The following GFI1 variants were observed in gnomAD, a reference collection of about 807,000 sequenced individuals.
The protein encoded by GFI1 is growth factor independent 1 transcriptional repressor, also known as zinc finger protein Gfi-1.
Under a neutral mutation model 39.2 loss-of-function variants are expected in GFI1, and 15 were observed. The observed-to-expected ratio is 0.38, with a 90% confidence interval of 0.26 to 0.59. GFI1 has a LOEUF of 0.59. GFI1 is among the 20% of genes least tolerant of loss of function. The probability of loss-of-function intolerance (pLI) is 0.62; values close to 1 mark genes in which losing one functional copy is unlikely to be tolerated. For missense variants in GFI1, 475 were observed against 574.0 expected, an observed-to-expected ratio of 0.83 and a Z score of 1.76; for synonymous variants, 239 against 254.3, an observed-to-expected ratio of 0.94 and a Z score of 0.57.
chr1:92,480,527 C>CGCGGGGCGCAG lies in GFI1; in HGVS notation c.787-53_787-43dup, dbSNP rs1025556601. On this transcript the variant is annotated intron_variant, in intron 4 of 6. Coordinates refer to ENST00000294702, the MANE Select transcript of GFI1 (RefSeq NM_005263.5). The surrounding 1 kb of genome is among the most constrained non-coding windows in gnomAD (Gnocchi z 5.6). ...CAGAGAGAAGGCCGCTGAGAGGGGCCGCGGGGCGCAGGCGAGGCGCGGGTA... is the reference window on the plus strand; with the variant it reads ...CAGAGAGAAGGCCGCTGAGAGGGGCCGCGGGGCGCAGGCGGGGCGCAGGCGAGGCGCGGGTA... The CGCGGGGCGCAG allele has an allele frequency of 1.9e-6, 3 of 1,547,282 alleles. No homozygotes were observed. In the African/African-American group the frequency reaches 4.1e-5, roughly 21 times the overall value.
Position 92,481,106 on chromosome 1 carries a change from G to T in GFI1, c.299-18C>A. 1 of 1,603,988 alleles carries T rather than the reference G, an allele frequency of 6.2e-7. No individual in the cohort carries two copies. The highest frequency in any genetic ancestry group is 1.3e-5 in the African/African-American group (1 of 74,804). ...CTCCGAGGCTGTGGAGGCACAAGGG[G>T]AGCGTCCGGTCAGGCTTCAGACGGC... On this transcript the variant is annotated intron_variant, in intron 3 of 6. Transcript: ENST00000294702. The surrounding 1 kb of genome is among the most constrained non-coding windows in gnomAD (Gnocchi z 4.3).
chr1:92,478,923 T>C (rs945771628), intron 5 of GFI1, among the ~76,000 whole-genome samples, 170 bp from the exon 6 acceptor site: 1 of 152,198 alleles, frequency 6.6e-6, no homozygotes, highest in Non-Finnish European at 1.5e-5. Context: ...TTGAGTGCAG[T>C]GGAACGATCT....
Position 92,475,929 on chromosome 1 carries a change from T to C in GFI1, c.*100A>G, listed in dbSNP as rs1657940070. 1.7e-6 allele frequency: 2 copies of C among 1,146,638 alleles called. No homozygotes were observed. The allele number at this position is 1,146,638 out of a possible 1,614,324, so 71.0% of individuals were successfully genotyped here. A position where few individuals can be genotyped will look rare whatever the true frequency, so the allele number is the denominator to read the frequency against. ...CAGACTGGACCTGGGGTCTGGAAAG[T>C]CAGAAGGGAGTGGAGGCAAGCAGGG... On this transcript the variant is annotated 3_prime_UTR_variant, in exon 7 of 7. Transcript: ENST00000294702.
Position 92,482,819 on chromosome 1 carries a change from G to A in GFI1, c.298+45C>T, listed in dbSNP as rs772457244. ...GCGCCAATTCCCCCCCAGCACTGCC[G>A]GGTCCCTGCAGCTCCCGCCCAAGAG... On this transcript the variant is annotated intron_variant, in intron 3 of 6. Transcript: ENST00000294702. This position sits in a 1 kb window ranked among gnomAD's most constrained non-coding sequence, Gnocchi z 4.4. 2.7e-6 allele frequency: 4 copies of A among 1,503,710 alleles called. No homozygotes were observed. The highest frequency in any genetic ancestry group is 4.5e-5 in the East Asian group (2 of 44,350). The allele number at this position is 1,503,710 out of a possible 1,614,324, so 93.1% of individuals were successfully genotyped here.
intron 1 of GFI1, among the ~76,000 whole-genome samples, chr1:92,485,098 A>G (rs1001726064): frequency 1.3e-5 from 2 of 152,090 alleles, no homozygotes; most frequent in Non-Finnish European, 2.9e-5. Flanking sequence ...CCTTCTCCGG[A>G]GGAATGGGAA....
rs1658175248 is a variant in GFI1 at position 92,480,474 on chromosome 1, C to G, written c.798G>C (p.Thr266=). 6.5e-7 allele frequency: 1 copy of G among 1,549,938 alleles called. No homozygotes were observed. The highest frequency in any genetic ancestry group is 8.7e-7 in the Non-Finnish European group (1 of 1,146,580). ...GCACGTGCACCTCGAGCCCGTGCGGCGTGGAGAACACCTAAGGCGGGTGGG... is the reference window on the plus strand; with the variant it reads ...GCACGTGCACCTCGAGCCCGTGCGGGGTGGAGAACACCTAAGGCGGGTGGG... The part of the protein sequence containing the change: ...KCIKCSKVFS[T]PHGLEVHVRR... The change falls in exon 5 of 7, where the codon ACG becomes ACC. Residue 266 remains threonine (T), a synonymous_variant. Transcript: ENST00000294702. This position sits in a 1 kb window ranked among gnomAD's most constrained non-coding sequence, Gnocchi z 5.6.
rs1277930474 is a variant in GFI1, at chr1:92,480,786, C to T, written c.601G>A (p.Gly201Ser). The change falls in exon 4 of 7, where the codon GGC becomes AGC. Residue 201 changes from glycine (G) to serine (S), a missense_variant. By Grantham distance (56) the Gly-to-Ser change is moderately conservative. Transcript: ENST00000294702. This position sits in a 1 kb window ranked among gnomAD's most constrained non-coding sequence, Gnocchi z 5.6. The part of the protein sequence containing the change: ...ATAGPGLGLY[G>S]DFGSAAAGLY... ...CCGGCTGCCGCAGACCCGAAGTCGC[C>T]GTAGAGCCCTAGGCCAGGGCCAGCG... 6.3e-7 allele frequency: 1 copy of T among 1,598,786 alleles called. No individual in the cohort carries two copies. The highest frequency in any genetic ancestry group is 8.5e-7 in the Non-Finnish European group (1 of 1,176,560).
In GFI1 at chr1:92,473,581, T is replaced by C. The variant is rs941647070; in HGVS notation, c.*2448A>G. 6.6e-6 allele frequency among the ~76,000 whole-genome samples: 1 copy of C among 152,102 alleles called. No homozygotes were observed. The highest frequency in any genetic ancestry group is 1.5e-5 in the Non-Finnish European group (1 of 68,028). On this transcript the variant is annotated 3_prime_UTR_variant, in exon 7 of 7. Coordinates refer to ENST00000294702, the MANE Select transcript of GFI1 (RefSeq NM_005263.5). Reference sequence around the variant, plus strand: ...GAGAGTAAACTGACATGGAAAGACATGGTGCTGGAAATCAGGTGAGGACAG... The same window carrying C: ...GAGAGTAAACTGACATGGAAAGACACGGTGCTGGAAATCAGGTGAGGACAG...
chr1:92,480,889 C>A lies in GFI1; in HGVS notation c.498G>T (p.Ala166=), dbSNP rs772031788. Reference sequence around the variant, plus strand: ...CGGCAGCCCGCTTCGGGCCGTACAGCGCGGCCGGGTGGCCAGGCTCCGGGG... The same window carrying A: ...CGGCAGCCCGCTTCGGGCCGTACAGAGCGGCCGGGTGGCCAGGCTCCGGGG... ...EPAPEPGHPA[A]LYGPKRAAGG... Residue 166 remains alanine (A), a synonymous_variant, in exon 4 of 7, where the codon GCG becomes GCT. Transcript: ENST00000294702. The surrounding 1 kb of genome is among the most constrained non-coding windows in gnomAD (Gnocchi z 5.6). 1 of 1,537,876 alleles carries A rather than the reference C, an allele frequency of 6.5e-7. No individual in the cohort carries two copies. The highest frequency in any genetic ancestry group is 1.2e-5 in the South Asian group (1 of 82,632).
chr1:92,483,140 GCGTCTTCC>G, intron 2 of GFI1, 94 bp from the exon 3 acceptor site: 1 of 1,205,048 alleles, frequency 8.3e-7, no homozygotes, highest in South Asian at 1.5e-5. Flanking sequence ...GGGCAGCCGA[GCGTCTTCC>G]CCTCTCCACC....
At position 92,475,956 on chromosome 1, in the gene GFI1, G is replaced by T; in HGVS notation, c.*73C>A. 1 of 1,386,884 alleles carries T rather than the reference G, an allele frequency of 7.2e-7. No individual in the cohort carries two copies. The allele number at this position is 1,386,884 out of a possible 1,614,324, so 85.9% of individuals were successfully genotyped here. ...AGAAGGGAGTGGAGGCAAGCAGGGAGCAGAGTGGTGGCAAGCAGGGAGGCT... is the reference window on the plus strand; with the variant it reads ...AGAAGGGAGTGGAGGCAAGCAGGGATCAGAGTGGTGGCAAGCAGGGAGGCT... On this transcript the variant is annotated 3_prime_UTR_variant, in exon 7 of 7. Transcript: ENST00000294702.
chr1:92,480,670 C>T lies in GFI1; in HGVS notation c.717G>A (p.Val239=). The T allele has an allele frequency of 6.3e-7, 1 of 1,596,298 alleles. No individual in the cohort carries two copies. Among genetic ancestry groups the T allele is most frequent in the African/African-American group, 1.3e-5 (1 of 74,968 alleles). ...LHADKGAGVK[V]ESELLCTRLL... ...GGCGGGTGCACAGCAGCTCCGACTC[C>T]ACCTTGACGCCAGCGCCCTTGTCTG... The change falls in exon 4 of 7, where the codon GTG becomes GTA. Residue 239 remains valine (V), a synonymous_variant. Coordinates refer to ENST00000294702, the MANE Select transcript of GFI1 (RefSeq NM_005263.5). The surrounding 1 kb of genome is among the most constrained non-coding windows in gnomAD (Gnocchi z 5.6).
At chr1:92,483,637 C>A in intron 1 of GFI1, 51 bp from the exon 2 acceptor site, 4 of 684,824 alleles carry the variant, frequency 5.8e-6, no homozygotes, top group Middle Eastern at 3.7e-4. Context: ...CTCTCCGGTG[C>A]GGCGGACTGG....
chr1:92,476,030 CA>C lies in GFI1; in HGVS notation c.1267del (p.Ter423GlufsTer34). On this transcript the variant is annotated frameshift_variant and stop_lost, in exon 7 of 7. Coordinates refer to ENST00000294702, the MANE Select transcript of GFI1 (RefSeq NM_005263.5). LOFTEE classifies it high-confidence loss of function. ...GCTGCTTGCAGCCAGCCAGGGTGCT[CA>C]TTTGAGCCCATGCTGCGTCTCCCGG... Reference protein sequence around the residue: ...RHRETQHGLK* With the variant: ...RHRETQHGLKX 1 of 1,613,910 alleles carries C rather than the reference CA, an allele frequency of 6.2e-7. No homozygotes were observed. The highest frequency in any genetic ancestry group is 8.5e-7 in the Non-Finnish European group (1 of 1,179,888).
rs900817145 is a variant in GFI1 at position 92,484,370 on chromosome 1, G to A, written c.-99-784C>T. ...GCGGCGGGCACCGGTCGAGGCTGCG[G>A]CGAGCCATCCCAGACCATGGAGACC... On this transcript the variant is annotated intron_variant, in intron 1 of 6. Coordinates refer to ENST00000294702, the MANE Select transcript of GFI1 (RefSeq NM_005263.5). This position sits in a 1 kb window ranked among gnomAD's most constrained non-coding sequence, Gnocchi z 4.1. 6.5e-6 allele frequency: 1 copy of A among 152,822 alleles called. No homozygotes were observed. Among genetic ancestry groups the A allele is most frequent in the African/African-American group, 2.4e-5 (1 of 41,450 alleles). 9.5% of individuals were successfully genotyped at this position (152,822 alleles called of 1,614,324 possible). A position where few individuals can be genotyped will look rare whatever the true frequency, so the allele number is the denominator to read the frequency against.
rs35896485 is a variant in GFI1 at position 92,478,757 on chromosome 1, CAGAGAGAGAGAGAGAG to C, written c.925-20_925-5del. 3.2e-5 allele frequency: 48 copies of C among 1,520,934 alleles called. No homozygotes were observed. The African/African-American group carries it at 5.8e-4, about 18-fold the overall frequency. The allele number at this position is 1,520,934 out of a possible 1,614,324, so 94.2% of individuals were successfully genotyped here. ...TCTTACAGTCAAAGCTCCGTTCCTG[CAGAGAGAGAGAGAGAG>C]AGAGAGAGAGAGAGAGAGAGATGCA... On this transcript the variant is annotated splice_polypyrimidine_tract_variant and splice_region_variant and intron_variant, in intron 5 of 6. Coordinates refer to ENST00000294702, the MANE Select transcript of GFI1 (RefSeq NM_005263.5).
intron 1 of GFI1, among the ~76,000 whole-genome samples, chr1:92,485,106 G>A (rs1369308769): frequency 1.3e-5 from 2 of 152,194 alleles, no homozygotes; most frequent in Admixed American, 6.5e-5. Context: ...GGAGGAATGG[G>A]AATAGACCTG....
Position 92,482,041 on chromosome 1 carries a change from T to C in GFI1, c.298+823A>G, listed in dbSNP as rs146915222. Among the ~76,000 whole-genome samples, 109 of 151,652 alleles carry C rather than the reference T, an allele frequency of 7.2e-4. 2 individuals carry two copies. In the East Asian group the frequency reaches 0.019, roughly 27 times the overall value. ...GAGGGGTTCGGGGCGCGCCCAATCC[T>C]TGTCTGGCCACTTGACGCCCTGGCA... On this transcript the variant is annotated intron_variant, in intron 3 of 6. Transcript: ENST00000294702. The surrounding 1 kb of genome is among the most constrained non-coding windows in gnomAD (Gnocchi z 4.4).
chr1:92,475,759 GT>G lies in GFI1; in HGVS notation c.*269del. On this transcript the variant is annotated 3_prime_UTR_variant, in exon 7 of 7. Coordinates refer to ENST00000294702, the MANE Select transcript of GFI1 (RefSeq NM_005263.5). ...CTGGTCCCCATTTGACTTTGCCTTTGTCTTCAGGTGTAGAGGAGCCTATTTG... is the reference window on the plus strand; with the variant it reads ...CTGGTCCCCATTTGACTTTGCCTTTGCTTCAGGTGTAGAGGAGCCTATTTG... 2.0e-6 allele frequency: 1 copy of G among 500,240 alleles called. No homozygotes were observed. Among genetic ancestry groups the G allele is most frequent in the African/African-American group, 1.9e-5 (1 of 51,770 alleles). The allele number at this position is 500,240 out of a possible 1,614,324, so 31.0% of individuals were successfully genotyped here. A position where few individuals can be genotyped will look rare whatever the true frequency, so the allele number is the denominator to read the frequency against.
Sources: gnomAD v4.1 joint callset for allele counts (sites outside exome capture counted in the v4.1 genomes callset) on GRCh38, gnomAD v4.1.1 for gene constraint, Gnocchi (gnomAD v3.1) non-coding constraint, MANE v1.5 for transcripts, NCBI Gene and HGNC (gene_info 2026-07-23, HGNC 2026-07-21) for gene names.